Variants in AASS observed in about 807,000 individuals in gnomAD.
AASS encodes aminoadipate-semialdehyde synthase.
Under a neutral mutation model 105.4 loss-of-function variants are expected in AASS, and 86 were observed. The ratio of observed to expected loss-of-function variants is 0.82; its 90% confidence interval spans 0.69 to 0.98. AASS has a LOEUF of 0.98. AASS is among the 50% of genes least tolerant of loss of function. AASS has a pLI of 0.00. For synonymous variants in AASS, 381 were observed against 394.8 expected (o/e 0.96, Z 0.41); for missense variants, 1,048 against 1,143.2 (o/e 0.92, Z 1.20).
intron 15 of AASS, among the ~76,000 whole-genome samples, chr7:122,098,057 A>C (rs1316863572): frequency 2.0e-5 from 3 of 152,062 alleles, no homozygotes; most frequent in Non-Finnish European, 4.4e-5. Context: ...TCTTGTAATC[A>C]CAACATTGAA....
intron 4 of AASS, among the ~76,000 whole-genome samples, chr7:122,122,214 T>C (rs1314766496): frequency 6.6e-6 from 1 of 152,204 alleles, no homozygotes; most frequent in African/African-American, 2.4e-5. Flanking sequence ...TTATAATTTT[T>C]ATCAAGATAT....
chr7:122,116,600 G>T, intron 8 of AASS, 33 bp downstream of exon 8: 2 of 1,613,476 alleles, frequency 1.2e-6, no homozygotes, highest in Non-Finnish European at 1.7e-6. Flanking sequence ...TGTATCATAA[G>T]CAACCAACTT....
At chr7:122,112,958 A>C (rs1795003913) in intron 11 of AASS, among the ~76,000 whole-genome samples, 160 bp downstream of exon 11, 1 of 152,212 alleles carries the variant, frequency 6.6e-6, no homozygotes, top group South Asian at 2.1e-4. Flanking sequence ...AGTAAGCAGA[A>C]TATGTCAAAT....
rs971656071 is a variant in AASS, at chr7:122,073,559, A to C, written c.*2930T>G. On this transcript the variant is annotated 3_prime_UTR_variant, in exon 24 of 24. Coordinates refer to ENST00000417368, the MANE Select transcript of AASS (RefSeq NM_005763.4). ...AACAAACAAATTGCATTTGTAATTT[A>C]ATTTTTTATAACAACTTGAGATAAA... 1.3e-5 allele frequency among the ~76,000 whole-genome samples: 2 copies of C among 152,200 alleles called. No individual in the cohort carries two copies. The highest frequency in any genetic ancestry group is 2.9e-5 in the Non-Finnish European group (2 of 68,040).
intron 1 of AASS, 44 bp from the exon 2 acceptor site, chr7:122,133,785 G>T: frequency 6.5e-7 from 1 of 1,543,704 alleles, no homozygotes; most frequent in Non-Finnish European, 8.9e-7. Context: ...AGGCAGCAAG[G>T]CTGGCAGATC....
chr7:122,112,914 A>G lies in AASS; in HGVS notation c.1278+204T>C, dbSNP rs118181072. 4.5e-3 allele frequency among the ~76,000 whole-genome samples: 690 copies of G among 152,302 alleles called. 1 individual carries two copies. The highest frequency in any genetic ancestry group is 8.4e-3 in the Non-Finnish European group (570 of 68,018). The stretch of plus-strand genomic sequence containing the variant: ...AGAGATGTAATTGTAATTAAGCATG[A>G]AGGCAGTGATATCATCCTATACCCC... On this transcript the variant is annotated intron_variant, in intron 11 of 23. Coordinates refer to ENST00000417368, the MANE Select transcript of AASS (RefSeq NM_005763.4).
At chr7:122,116,289 G>A (rs934970335) in intron 8 of AASS, among the ~76,000 whole-genome samples, 1 of 152,152 alleles carries the variant, frequency 6.6e-6, no homozygotes, top group African/African-American at 2.4e-5. Context: ...GAGACCAAAC[G>A]TCATAGGCAT....
At chr7:122,127,255 C>T (rs533629458) in intron 3 of AASS, among the ~76,000 whole-genome samples, 1 of 152,242 alleles carries the variant, frequency 6.6e-6, no homozygotes, top group Admixed American at 6.5e-5. Flanking sequence ...TCCTTGAAAA[C>T]CTTTCCTCTC....
At position 122,073,893 on chromosome 7, in the gene AASS, T is replaced by TC. The variant is rs1211009808; in HGVS notation, c.*2595_*2596insG. On this transcript the variant is annotated 3_prime_UTR_variant, in exon 24 of 24. Coordinates refer to ENST00000417368, the MANE Select transcript of AASS (RefSeq NM_005763.4). ...ATGTTTTCAAGGTTTTTCCATGTTGTGGTGCATATCAGTACTTCATCTCTT... is the reference window on the plus strand; with the variant it reads ...ATGTTTTCAAGGTTTTTCCATGTTGTCGGTGCATATCAGTACTTCATCTCTT... 6.6e-6 allele frequency among the ~76,000 whole-genome samples: 1 copy of TC among 152,236 alleles called. No individual in the cohort carries two copies. Among genetic ancestry groups the TC allele is most frequent in the Admixed American group, 6.5e-5 (1 of 15,282 alleles).
intron 2 of AASS, among the ~76,000 whole-genome samples, chr7:122,132,005 A>G (rs1171713366): frequency 6.6e-6 from 1 of 152,182 alleles, no homozygotes; most frequent in African/African-American, 2.4e-5. Flanking sequence ...TATACTCAAA[A>G]AAGCAAAAAT....
intron 18 of AASS, among the ~76,000 whole-genome samples, chr7:122,090,568 G>C (rs6975301): frequency 1.3e-5 from 2 of 151,982 alleles, no homozygotes; most frequent in African/African-American, 4.8e-5. Context: ...GTAAAATATT[G>C]ATGCTAAAAT....
At chr7:122,139,007 G>C (rs1482401932) in intron 1 of AASS, among the ~76,000 whole-genome samples, 1 of 152,228 alleles carries the variant, frequency 6.6e-6, no homozygotes, top group East Asian at 1.9e-4. Flanking sequence ...TTTAAGAAAA[G>C]CCACTCTCAG....
intron 15 of AASS, among the ~76,000 whole-genome samples, chr7:122,098,174 A>G (rs1313476880): frequency 6.6e-6 from 1 of 151,952 alleles, no homozygotes; most frequent in African/African-American, 2.4e-5. Context: ...GTTTACCCTT[A>G]GAGGATGGGG....
In AASS at chr7:122,074,333, C is replaced by T. The variant is rs1217021342; in HGVS notation, c.*2156G>A. ...GATTTTTAAAAATTGAATTATATGCCTTTTAATTATTATTGTAACAGTTCT... is the reference window on the plus strand; with the variant it reads ...GATTTTTAAAAATTGAATTATATGCTTTTTAATTATTATTGTAACAGTTCT... On this transcript the variant is annotated 3_prime_UTR_variant, in exon 24 of 24. Coordinates refer to ENST00000417368, the MANE Select transcript of AASS (RefSeq NM_005763.4). 6.6e-6 allele frequency among the ~76,000 whole-genome samples: 1 copy of T among 151,992 alleles called. No homozygotes were observed. The highest frequency in any genetic ancestry group is 2.4e-5 in the African/African-American group (1 of 41,374).
At position 122,076,032 on chromosome 7, in the gene AASS, G is replaced by C. The variant is rs981113954; in HGVS notation, c.*457C>G. The C allele has an allele frequency of 1.3e-5, 2 of 156,444 alleles. No homozygotes were observed. The highest frequency in any genetic ancestry group is 4.8e-5 in the African/African-American group (2 of 41,404). 9.7% of individuals were successfully genotyped at this position (156,444 alleles called of 1,614,324 possible). A position where few individuals can be genotyped will look rare whatever the true frequency, so the allele number is the denominator to read the frequency against. ...CTGAAAAATACAAAAAATTTAGCCGGGCGTGGTGGCGGGTGCCTGTAGTCC... is the reference window on the plus strand; with the variant it reads ...CTGAAAAATACAAAAAATTTAGCCGCGCGTGGTGGCGGGTGCCTGTAGTCC... On this transcript the variant is annotated 3_prime_UTR_variant, in exon 24 of 24. Transcript: ENST00000417368.
At chr7:122,082,436 G>C (rs1167674668) in intron 19 of AASS, among the ~76,000 whole-genome samples, 1 of 152,112 alleles carries the variant, frequency 6.6e-6, no homozygotes, top group Non-Finnish European at 1.5e-5. Context: ...AGCACCTCTT[G>C]TGAGTCCCCT....
At chr7:122,135,211 C>T (rs1037375532) in intron 1 of AASS, among the ~76,000 whole-genome samples, 1 of 149,924 alleles carries the variant, frequency 6.7e-6, no homozygotes, top group African/African-American at 2.5e-5. Flanking sequence ...CAACATGGCA[C>T]ATGTATACAT....
At chr7:122,124,897 T>G (rs1020017957) in intron 4 of AASS, among the ~76,000 whole-genome samples, 1 of 152,158 alleles carries the variant, frequency 6.6e-6, no homozygotes, top group African/African-American at 2.4e-5. Context: ...AGGAAAGATA[T>G]GAGGTGAGTG....
chr7:122,138,479 ACT>A (rs1338623559), intron 1 of AASS, among the ~76,000 whole-genome samples: 1 of 152,096 alleles, frequency 6.6e-6, no homozygotes, highest in Non-Finnish European at 1.5e-5. Context: ...GGTCTCTCTC[ACT>A]CTCTCTTTCT....
Sources: gnomAD v4.1 joint callset for allele counts (sites outside exome capture counted in the v4.1 genomes callset) on GRCh38, gnomAD v4.1.1 for gene constraint, MANE v1.5 for transcripts, NCBI Gene and HGNC (gene_info 2026-07-23, HGNC 2026-07-21) for gene names.